The following OPRM1 variants were observed in gnomAD, a reference collection of about 807,000 sequenced individuals.
The protein encoded by OPRM1 is mu-type opioid receptor.
Under a neutral mutation model 31.8 loss-of-function variants are expected in OPRM1, and 27 were observed. The ratio of observed to expected loss-of-function variants is 0.85; its 90% CI spans 0.63 to 1.17. The LOEUF is 1.17. Among genes scored for constraint, OPRM1 ranks in the 50% most tolerant of loss-of-function variants. The pLI is 0.00. For synonymous variants in OPRM1, 196 were observed against 189.9 expected, an observed-to-expected ratio of 1.03 and a Z score of -0.26; for missense variants, 536 against 511.1, an observed-to-expected ratio of 1.05 and a Z score of -0.47.
chr6:154,062,725 A>G (rs1784651890), intron 1 of OPRM1, among the ~76,000 whole-genome samples: 1 of 152,026 alleles, frequency 6.6e-6, no homozygotes, highest in Admixed American at 6.6e-5. Context: ...TAATTGCATT[A>G]CCTTTATTTT....
chr6:154,197,964 C>G (rs901124306), intron 3 of OPRM1, among the ~76,000 whole-genome samples: 1 of 152,118 alleles, frequency 6.6e-6, no homozygotes, highest in African/African-American at 2.4e-5. Flanking sequence ...CTGGAAGTCT[C>G]TTCTAAGCAT....
At chr6:154,190,566 C>G (rs577801731) in intron 3 of OPRM1, among the ~76,000 whole-genome samples, 6 of 152,234 alleles carry the variant, frequency 3.9e-5, no homozygotes, top group Middle Eastern at 6.8e-3. Flanking sequence ...GGTGGGAATG[C>G]AAAATGGTAC....
At chr6:154,019,297 A>G (rs1270266018) in intron 1 of OPRM1, among the ~76,000 whole-genome samples, 1 of 150,300 alleles carries the variant, frequency 6.7e-6, no homozygotes, top group African/African-American at 2.5e-5. Flanking sequence ...GAATTTCCAT[A>G]TGACCATTGC....
At chr6:154,155,928 T>G (rs763374684) in intron 3 of OPRM1, 2 of 152,242 alleles carry the variant, frequency 1.3e-5, no homozygotes, top group Non-Finnish European at 1.5e-5. Context: ...TGTTTGTGAC[T>G]GGAGTGCTAC....
chr6:154,185,015 A>C (rs1459627611), intron 3 of OPRM1, among the ~76,000 whole-genome samples: 1 of 152,186 alleles, frequency 6.6e-6, no homozygotes, highest in Non-Finnish European at 1.5e-5. Context: ...TTTTCCTAAA[A>C]AGTAAAAAAA....
intron 3 of OPRM1, among the ~76,000 whole-genome samples, chr6:154,194,896 A>G (rs945050307): frequency 2.6e-5 from 4 of 152,114 alleles, no homozygotes; most frequent in Admixed American, 1.3e-4. Flanking sequence ...GGTTTTCCCA[A>G]CATCAAATGA....
chr6:154,132,341 C>T lies in OPRM1; in HGVS notation c.*13620C>T, dbSNP rs1797943806. Among the ~76,000 whole-genome samples, 1 of 152,064 alleles carries T rather than the reference C, an allele frequency of 6.6e-6. No homozygotes were observed. The highest frequency in any genetic ancestry group is 1.5e-5 in the Non-Finnish European group (1 of 68,000). ...TGTAATTATATGTGATAAATAAAACCTAAAACTGATACAAATCTAGATTTT... is the reference window on the plus strand; with the variant it reads ...TGTAATTATATGTGATAAATAAAACTTAAAACTGATACAAATCTAGATTTT... On this transcript the variant is annotated 3_prime_UTR_variant, in exon 4 of 4. Transcript: ENST00000330432.
Sources: gnomAD v4.1 joint callset for allele counts (sites outside exome capture counted in the v4.1 genomes callset) on GRCh38, gnomAD v4.1.1 for gene constraint, MANE v1.5 for transcripts, NCBI Gene and HGNC (gene_info 2026-07-23, HGNC 2026-07-21) for gene names.